PRKCA: variants seen among roughly 807,000 people sequenced by gnomAD.
PRKCA encodes protein kinase C alpha, also known as protein kinase C alpha type.
PRKCA carries 27 observed loss-of-function variants against 87.0 expected under a neutral mutation model. The ratio of observed to expected loss-of-function variants is 0.31; its 90% confidence interval spans 0.23 to 0.43. PRKCA has a LOEUF of 0.43. PRKCA is among the 20% of genes least tolerant of loss of function. The probability of loss-of-function intolerance (pLI) is 1.00; values close to 1 mark genes in which losing one functional copy is unlikely to be tolerated. For synonymous variants in PRKCA, 329 were observed against 311.1 expected (o/e 1.06, Z -0.61); for missense variants, 518 against 852.3 (o/e 0.61, Z 4.88).
chr17:66,765,918 C>T (rs888130867), intron 13 of PRKCA, among the ~76,000 whole-genome samples: 1 of 152,158 alleles, frequency 6.6e-6, no homozygotes, highest in Admixed American at 6.5e-5. Flanking sequence ...AGGTTGTGCC[C>T]TATACCTGTA....
chr17:66,338,880 A>G (rs1052242791), intron 2 of PRKCA, among the ~76,000 whole-genome samples: 3 of 152,214 alleles, frequency 2.0e-5, no homozygotes, highest in African/African-American at 7.2e-5. Flanking sequence ...TCAACAGGCT[A>G]TGGTATCACT....
intron 3 of PRKCA, among the ~76,000 whole-genome samples, chr17:66,608,995 C>T (rs1009437256): frequency 3.3e-5 from 5 of 152,182 alleles, no homozygotes; most frequent in Non-Finnish European, 5.9e-5. Flanking sequence ...GGAAGGCGAA[C>T]GAGGCCATGC....
chr17:66,403,070 T>C (rs1008649650), intron 2 of PRKCA, among the ~76,000 whole-genome samples: 3 of 152,246 alleles, frequency 2.0e-5, no homozygotes, highest in Non-Finnish European at 4.4e-5. Context: ...TGTGACATTC[T>C]GTTATTTTAA....
At chr17:66,391,045 T>G (rs530605972) in intron 2 of PRKCA, among the ~76,000 whole-genome samples, 1 of 152,298 alleles carries the variant, frequency 6.6e-6, no homozygotes, top group African/African-American at 2.4e-5. Context: ...TCCCATGGAC[T>G]CATCTTCAGC....
intron 3 of PRKCA, among the ~76,000 whole-genome samples, chr17:66,608,148 G>A (rs1252951008): frequency 6.6e-6 from 1 of 151,504 alleles, no homozygotes; most frequent in Admixed American, 6.6e-5. Flanking sequence ...CACACCGATT[G>A]GAGCACACTG....
intron 8 of PRKCA, among the ~76,000 whole-genome samples, chr17:66,719,463 A>G (rs1973558659): frequency 6.6e-6 from 1 of 152,244 alleles, no homozygotes; most frequent in Non-Finnish European, 1.5e-5. Context: ...TGCTGCCAAA[A>G]TGAGTATAAA....
At chr17:66,638,008 C>T (rs911541065) in intron 3 of PRKCA, among the ~76,000 whole-genome samples, 1 of 152,062 alleles carries the variant, frequency 6.6e-6, no homozygotes, top group Admixed American at 6.6e-5. Flanking sequence ...CATAATTACT[C>T]AACTCTGCCA....
intron 8 of PRKCA, among the ~76,000 whole-genome samples, chr17:66,710,416 G>A (rs1973294682): frequency 6.6e-6 from 1 of 152,068 alleles, no homozygotes; most frequent in Non-Finnish European, 1.5e-5. Context: ...TAACCTGGCA[G>A]TTTTTCTCCT....
In PRKCA at chr17:66,735,661, T is replaced by C; in HGVS notation, c.1229T>C (p.Val410Ala). ...LTQLHSCFQT[V>A]DRLYFVMEYV... ...CAGCTGCACTCCTGCTTCCAGACAGTGGTAAGGACCCTGGGAATCCCTGCG... is the reference window on the plus strand; with the variant it reads ...CAGCTGCACTCCTGCTTCCAGACAGCGGTAAGGACCCTGGGAATCCCTGCG... The change falls in exon 10 of 17, where the codon GTG (valine) becomes GCG (alanine). Residue 410 changes from valine to alanine, a missense_variant and splice_region_variant. Physicochemically the swap from Val to Ala is moderately conservative, Grantham distance 64. This residue lies in a region of PRKCA where 300 missense variants were observed against 496.8 expected (regional missense o/e 0.60). Transcript: ENST00000413366. The C allele has an allele frequency of 1.9e-6, 3 of 1,613,564 alleles. No individual in the cohort carries two copies. The highest frequency in any genetic ancestry group is 2.5e-6 in the Non-Finnish European group (3 of 1,179,716).
At chr17:66,626,785 G>A (rs1311764586) in intron 3 of PRKCA, among the ~76,000 whole-genome samples, 1 of 152,176 alleles carries the variant, frequency 6.6e-6, no homozygotes, top group Non-Finnish European at 1.5e-5. Flanking sequence ...GGGATTACAG[G>A]CATGAGCCAT....
At chr17:66,751,476 C>T (rs1974425975) in intron 13 of PRKCA, among the ~76,000 whole-genome samples, 1 of 152,214 alleles carries the variant, frequency 6.6e-6, no homozygotes, top group Admixed American at 6.5e-5. Context: ...CTGTAGAGAT[C>T]CACTAGACTT....
chr17:66,795,937 T>C (rs1162572354), intron 16 of PRKCA, among the ~76,000 whole-genome samples: 1 of 152,202 alleles, frequency 6.6e-6, no homozygotes, highest in Non-Finnish European at 1.5e-5. Context: ...GGCCTCTGTC[T>C]ATCAGCAAAC....
At chr17:66,657,601 T>TG (rs1480711440) in intron 5 of PRKCA, among the ~76,000 whole-genome samples, 3 of 152,154 alleles carry the variant, frequency 2.0e-5, no homozygotes, top group African/African-American at 7.2e-5. Flanking sequence ...TGGGATATAT[T>TG]GCTGCTGTCA....
At chr17:66,779,106 C>G (rs574756402) in intron 14 of PRKCA, among the ~76,000 whole-genome samples, 1 of 152,278 alleles carries the variant, frequency 6.6e-6, no homozygotes, top group East Asian at 1.9e-4. Flanking sequence ...CTTCAGCAAT[C>G]CCAGAGACCC....
At chr17:66,713,067 T>TTTTTTTTTTTG (rs1403247186) in intron 8 of PRKCA, among the ~76,000 whole-genome samples, 9 of 145,580 alleles carry the variant, frequency 6.2e-5, no homozygotes, top group Non-Finnish European at 1.2e-4. Context: ...TTTTTTTTTT[T>TTTTTTTTTTTG]TTGAGATGGA....
chr17:66,391,809 T>C (rs1251507094), intron 2 of PRKCA, among the ~76,000 whole-genome samples: 2 of 152,228 alleles, frequency 1.3e-5, no homozygotes, highest in African/African-American at 2.4e-5. Context: ...ACTCTGTCTA[T>C]CTCCCTCCCT....
chr17:66,366,573 T>G (rs1188693644), intron 2 of PRKCA, among the ~76,000 whole-genome samples: 1 of 151,888 alleles, frequency 6.6e-6, no homozygotes, highest in Non-Finnish European at 1.5e-5. Flanking sequence ...TGTAGAAAAT[T>G]TGTCAAAGTT....
intron 3 of PRKCA, among the ~76,000 whole-genome samples, chr17:66,536,969 A>G (rs1967812376): frequency 6.6e-6 from 1 of 152,202 alleles, no homozygotes; most frequent in Non-Finnish European, 1.5e-5. Context: ...TCCAGTGCAT[A>G]CAGCTGGGCA....
intron 2 of PRKCA, among the ~76,000 whole-genome samples, chr17:66,475,988 C>T (rs1200784115): frequency 6.6e-6 from 1 of 152,164 alleles, no homozygotes; most frequent in African/African-American, 2.4e-5. Context: ...ACCTCTGCCT[C>T]CCAGGTTCAA....
Sources: gnomAD v4.1 joint callset for allele counts (sites outside exome capture counted in the v4.1 genomes callset) on GRCh38, gnomAD v4.1.1 for gene constraint, gnomAD v4.1.1 regional missense constraint, MANE v1.5 for transcripts, NCBI Gene and HGNC (gene_info 2026-07-23, HGNC 2026-07-21) for gene names.